The following MYO3B variants were observed in gnomAD, a reference collection of about 807,000 sequenced individuals.
MYO3B encodes myosin IIIB, also known as myosin-IIIb.
MYO3B carries 156 observed loss-of-function variants against 174.6 expected under a neutral mutation model. The observed-to-expected ratio is 0.89, with a 90% CI of 0.78 to 1.02. MYO3B has a LOEUF of 1.02. MYO3B is among the 50% of genes least tolerant of loss of function. The probability of loss-of-function intolerance (pLI) is 0.00; values close to 1 mark genes in which losing one functional copy is unlikely to be tolerated. For missense variants in MYO3B, 1,632 were observed against 1,639.4 expected, an observed-to-expected ratio of 1.00 and a Z score of 0.08; for synonymous variants, 563 against 569.1, an observed-to-expected ratio of 0.99 and a Z score of 0.15.
intron 23 of MYO3B, among the ~76,000 whole-genome samples, chr2:170,458,773 C>A (rs572930509): frequency 6.6e-6 from 1 of 152,118 alleles, no homozygotes; most frequent in African/African-American, 2.4e-5. Context: ...TGTTCCTTGT[C>A]GGAAATTCTT....
At chr2:170,583,046 T>C (rs1247866015) in intron 32 of MYO3B, among the ~76,000 whole-genome samples, 1 of 151,758 alleles carries the variant, frequency 6.6e-6, no homozygotes. Context: ...CTGCAGAGTC[T>C]ACCCGCCCCA....
At chr2:170,179,882 A>AT (rs1312173673) in intron 1 of MYO3B, among the ~76,000 whole-genome samples, 1 of 152,120 alleles carries the variant, frequency 6.6e-6, no homozygotes, top group East Asian at 1.9e-4. Flanking sequence ...TGGGTGTTAT[A>AT]TTTAATATTT....
chr2:170,576,606 A>G (rs1474872824), intron 32 of MYO3B, among the ~76,000 whole-genome samples: 1 of 152,248 alleles, frequency 6.6e-6, no homozygotes, highest in Non-Finnish European at 1.5e-5. Flanking sequence ...TGATATTATT[A>G]GGACGAGAAA....
rs1553520401 is a variant in MYO3B at position 170,551,349 on chromosome 2, A to ATTTATTTATTTAT, written c.3733+7363_3733+7364insTATTTATTTATTT. On this transcript the variant is annotated intron_variant, in intron 32 of 34. Transcript: ENST00000408978. ...TATATATTTAATTTAATTTAATTTA[A>ATTTATTTATTTAT]TTATTTATTTATTTATTTATTTATT... Among the ~76,000 whole-genome samples, 26 of 142,318 alleles carry ATTTATTTATTTAT rather than the reference A, an allele frequency of 1.8e-4. 1 individual carries two copies. Among genetic ancestry groups the ATTTATTTATTTAT allele is most frequent in the South Asian group, 8.9e-4 (4 of 4,516 alleles). The allele number at this position is 142,318 out of a possible 152,430, so 93.4% of individuals were successfully genotyped here. A position where few individuals can be genotyped will look rare whatever the true frequency, so the allele number is the denominator to read the frequency against.
chr2:170,491,973 G>C (rs1422492995), intron 25 of MYO3B, among the ~76,000 whole-genome samples: 3 of 151,492 alleles, frequency 2.0e-5, no homozygotes, highest in African/African-American at 7.3e-5. Flanking sequence ...AGAATCACTT[G>C]AACCTGGGAG....
At chr2:170,346,829 A>G (rs2094020165) in intron 8 of MYO3B, among the ~76,000 whole-genome samples, 1 of 152,202 alleles carries the variant, frequency 6.6e-6, no homozygotes, top group Non-Finnish European at 1.5e-5. Flanking sequence ...GCACTGATCA[A>G]CTGATCACCT....
intron 8 of MYO3B, among the ~76,000 whole-genome samples, chr2:170,347,346 A>G (rs997365075): frequency 6.6e-6 from 1 of 152,112 alleles, no homozygotes; most frequent in African/African-American, 2.4e-5. Context: ...TCACATCTGT[A>G]ATCCCAGCAC....
At chr2:170,304,590 G>T (rs1163147998) in intron 7 of MYO3B, among the ~76,000 whole-genome samples, 1 of 150,404 alleles carries the variant, frequency 6.6e-6, no homozygotes, top group African/African-American at 2.4e-5. Flanking sequence ...TCAGCCTCCC[G>T]AGTAGCTGGG....
chr2:170,557,816 C>T (rs138053273), intron 32 of MYO3B, among the ~76,000 whole-genome samples: 2 of 152,070 alleles, frequency 1.3e-5, no homozygotes, highest in South Asian at 2.1e-4. Context: ...AGACCTGCAG[C>T]GAAGAGTCAG....
At chr2:170,382,266 G>C in intron 10 of MYO3B, 154 bp downstream of exon 10, 1 of 590,570 alleles carries the variant, frequency 1.7e-6, no homozygotes, top group Non-Finnish European at 3.1e-6. Flanking sequence ...TTCAGTTGCT[G>C]TGACTATGAT....
chr2:170,387,690 G>A (rs555912074), intron 14 of MYO3B, among the ~76,000 whole-genome samples: 1 of 152,212 alleles, frequency 6.6e-6, no homozygotes, highest in African/African-American at 2.4e-5. Flanking sequence ...GAGACAGATA[G>A]AGAAAACAAT....
intron 7 of MYO3B, among the ~76,000 whole-genome samples, chr2:170,275,727 A>T (rs1164424979): frequency 6.6e-6 from 1 of 152,204 alleles, no homozygotes; most frequent in Non-Finnish European, 1.5e-5. Context: ...TGTACCATAA[A>T]AACCAGTAAA....
At chr2:170,275,256 C>G (rs1269011787) in intron 7 of MYO3B, among the ~76,000 whole-genome samples, 1 of 152,150 alleles carries the variant, frequency 6.6e-6, no homozygotes, top group East Asian at 1.9e-4. Context: ...ACAATAATAA[C>G]AATGACAATT....
At chr2:170,536,850 A>T (rs1689713739) in intron 30 of MYO3B, among the ~76,000 whole-genome samples, 2 of 152,050 alleles carry the variant, frequency 1.3e-5, no homozygotes, top group Admixed American at 1.3e-4. Context: ...AAGTTATATG[A>T]CTTGTTTATC....
intron 23 of MYO3B, 134 bp from the exon 24 acceptor site, chr2:170,463,234 A>G (rs1684417914): frequency 3.2e-6 from 2 of 620,452 alleles, no homozygotes; most frequent in Non-Finnish European, 5.7e-6. Flanking sequence ...TTCTCCCCAC[A>G]GTATACACTA....
At chr2:170,366,197 G>A (rs1287949915) in intron 8 of MYO3B, among the ~76,000 whole-genome samples, 3 of 152,244 alleles carry the variant, frequency 2.0e-5, no homozygotes, top group Non-Finnish European at 4.4e-5. Context: ...TGAACTTGGT[G>A]CCATCCCTAC....
At chr2:170,362,460 C>T (rs1424749108) in intron 8 of MYO3B, among the ~76,000 whole-genome samples, 2 of 152,184 alleles carry the variant, frequency 1.3e-5, no homozygotes, top group African/African-American at 2.4e-5. Flanking sequence ...GCTGCCCTGT[C>T]GTCCAGTAGC....
chr2:170,449,360 G>A (rs1376213243), intron 23 of MYO3B, among the ~76,000 whole-genome samples: 1 of 152,190 alleles, frequency 6.6e-6, no homozygotes, highest in African/African-American at 2.4e-5. Context: ...GCCATAAGTT[G>A]AGAATACTCA....
chr2:170,365,040 G>A (rs974354932), intron 8 of MYO3B, among the ~76,000 whole-genome samples: 2 of 152,128 alleles, frequency 1.3e-5, no homozygotes, highest in African/African-American at 4.8e-5. Context: ...GTTCAATTTA[G>A]TTCCAAAACT....
Sources: gnomAD v4.1 joint callset for allele counts (sites outside exome capture counted in the v4.1 genomes callset) on GRCh38, gnomAD v4.1.1 for gene constraint, MANE v1.5 for transcripts, NCBI Gene and HGNC (gene_info 2026-07-23, HGNC 2026-07-21) for gene names.